SLC4A10: variants seen among roughly 807,000 people sequenced by gnomAD.
The protein encoded by SLC4A10 is solute carrier family 4 member 10.
In SLC4A10, 42 loss-of-function variants were observed where a neutral mutation model predicts 137.7. The ratio of observed to expected loss-of-function variants is 0.30; its 90% confidence interval spans 0.24 to 0.39. The LOEUF is 0.39. Among genes scored for constraint, SLC4A10 ranks in the 10% least tolerant of loss-of-function variants. The pLI is 1.00. For synonymous variants in SLC4A10, 474 were observed against 464.1 expected, an observed-to-expected ratio of 1.02 and a Z score of -0.27; for missense variants, 925 against 1,355.0, an observed-to-expected ratio of 0.68 and a Z score of 4.98.
chr2:161,838,097 C>T (rs1446065602), intron 3 of SLC4A10, among the ~76,000 whole-genome samples: 1 of 152,092 alleles, frequency 6.6e-6, no homozygotes, highest in Non-Finnish European at 1.5e-5. Context: ...CCTGGACTGA[C>T]TGAAATATAG....
At position 161,640,129 on chromosome 2, in the gene SLC4A10, A is replaced by T. The variant is rs187243019; in HGVS notation, c.48+15563A>T. 5.3e-5 allele frequency among the ~76,000 whole-genome samples: 8 copies of T among 152,254 alleles called. No individual in the cohort carries two copies. The East Asian group carries it at 1.5e-3, about 29-fold the overall frequency. The stretch of plus-strand genomic sequence containing the variant: ...TTTTATTCAATTATTTATTTATTTC[A>T]GTAAGGACTCAAAGGTATTTATTTT... On this transcript the variant is annotated intron_variant, in intron 1 of 26. Coordinates refer to ENST00000446997, the MANE Select transcript of SLC4A10 (RefSeq NM_001178015.2).
intron 9 of SLC4A10, among the ~76,000 whole-genome samples, chr2:161,880,008 A>G (rs1333576384): frequency 6.6e-6 from 1 of 152,186 alleles, no homozygotes; most frequent in African/African-American, 2.4e-5. Flanking sequence ...AAAAGATAAA[A>G]AAAAGAAAGG....
chr2:161,929,542 A>G (rs1271197704), intron 15 of SLC4A10, among the ~76,000 whole-genome samples: 1 of 152,206 alleles, frequency 6.6e-6, no homozygotes, highest in Non-Finnish European at 1.5e-5. Flanking sequence ...GGGACCCCTG[A>G]CCAATGAGTT....
intron 15 of SLC4A10, among the ~76,000 whole-genome samples, chr2:161,912,268 T>C (rs949361629): frequency 6.6e-6 from 1 of 152,144 alleles, no homozygotes; most frequent in African/African-American, 2.4e-5. Context: ...AGGCAGCTAT[T>C]TACATAAGAA....
intron 3 of SLC4A10, among the ~76,000 whole-genome samples, chr2:161,812,601 G>A (rs1207700187): frequency 6.6e-6 from 1 of 151,996 alleles, no homozygotes; most frequent in Non-Finnish European, 1.5e-5. Context: ...TCCCATTTAT[G>A]AGTAACAACA....
At chr2:161,818,707 A>G (rs1249724933) in intron 3 of SLC4A10, among the ~76,000 whole-genome samples, 4 of 152,208 alleles carry the variant, frequency 2.6e-5, no homozygotes, top group Non-Finnish European at 5.9e-5. Flanking sequence ...AATTTTGTCA[A>G]AGGCCTTTTC....
At chr2:161,818,119 A>C (rs2057280220) in intron 3 of SLC4A10, among the ~76,000 whole-genome samples, 1 of 152,122 alleles carries the variant, frequency 6.6e-6, no homozygotes, top group African/African-American at 2.4e-5. Context: ...TGAGCATGGA[A>C]TGTTCTTCCA....
chr2:161,905,043 G>T (rs777464218), intron 14 of SLC4A10, 134 bp downstream of exon 14: 7 of 853,684 alleles, frequency 8.2e-6, no homozygotes, highest in Non-Finnish European at 1.2e-5. Context: ...TATCATTTTT[G>T]CTTCATCATG....
chr2:161,927,829 C>T (rs1266521814), intron 15 of SLC4A10, among the ~76,000 whole-genome samples: 3 of 152,174 alleles, frequency 2.0e-5, no homozygotes, highest in Non-Finnish European at 2.9e-5. Flanking sequence ...GAGATACCAT[C>T]TCACACCACT....
intron 1 of SLC4A10, among the ~76,000 whole-genome samples, chr2:161,655,887 C>T (rs868388539): frequency 7.3e-6 from 1 of 136,850 alleles, no homozygotes; most frequent in African/African-American, 2.7e-5. Flanking sequence ...GATCTCGGGG[C>T]AGTGCAATCT....
chr2:161,774,510 C>A (rs1447973319), intron 2 of SLC4A10, among the ~76,000 whole-genome samples: 1 of 151,790 alleles, frequency 6.6e-6, no homozygotes, highest in East Asian at 1.9e-4. Flanking sequence ...GTGTTGCCTG[C>A]TTGATGGCTT....
chr2:161,895,716 A>G (rs202215720), intron 11 of SLC4A10, among the ~76,000 whole-genome samples: 2,281 of 152,022 alleles, frequency 0.015, 54 homozygotes, highest in African/African-American at 0.052. Context: ...GTCTTCTTTT[A>G]AGAAGTGTCT....
chr2:161,780,795 G>A (rs2052917144), intron 2 of SLC4A10, among the ~76,000 whole-genome samples: 1 of 151,852 alleles, frequency 6.6e-6, no homozygotes, highest in Non-Finnish European at 1.5e-5. Flanking sequence ...CTTGAGCCTG[G>A]ATAAAAATAT....
intron 2 of SLC4A10, among the ~76,000 whole-genome samples, chr2:161,782,692 T>C (rs1288212825): frequency 6.8e-6 from 1 of 147,904 alleles, no homozygotes; most frequent in Non-Finnish European, 1.5e-5. Context: ...AAGAATAAAA[T>C]AATTAAATTG....
At chr2:161,869,323 A>T (rs2060964440) in intron 6 of SLC4A10, among the ~76,000 whole-genome samples, 2 of 151,642 alleles carry the variant, frequency 1.3e-5, no homozygotes, top group Non-Finnish European at 1.5e-5. Context: ...CAGTTAATGA[A>T]ATTAATTTTG....
intron 1 of SLC4A10, among the ~76,000 whole-genome samples, chr2:161,629,331 T>C (rs919402149): frequency 1.3e-5 from 2 of 151,902 alleles, no homozygotes; most frequent in Non-Finnish European, 2.9e-5. Context: ...ACTACTTTTT[T>C]TTTTTTTTAG....
intron 1 of SLC4A10, among the ~76,000 whole-genome samples, chr2:161,732,340 C>T (rs1213394890): frequency 6.6e-6 from 1 of 152,180 alleles, no homozygotes; most frequent in East Asian, 1.9e-4. Context: ...CATTAGTTAG[C>T]TCATTAGCAT....
chr2:161,698,792 G>C (rs1287355651), intron 1 of SLC4A10, among the ~76,000 whole-genome samples: 1 of 152,100 alleles, frequency 6.6e-6, no homozygotes, highest in Non-Finnish European at 1.5e-5. Context: ...TCTCTGCCAG[G>C]GTTTGATATC....
chr2:161,806,632 G>A (rs868174842), intron 3 of SLC4A10, among the ~76,000 whole-genome samples: 2 of 152,202 alleles, frequency 1.3e-5, no homozygotes, highest in Middle Eastern at 6.8e-3. Flanking sequence ...CATAACAAGA[G>A]TCACCTTTGC....
Sources: gnomAD v4.1 joint callset for allele counts (sites outside exome capture counted in the v4.1 genomes callset) on GRCh38, gnomAD v4.1.1 for gene constraint, MANE v1.5 for transcripts, NCBI Gene and HGNC (gene_info 2026-07-23, HGNC 2026-07-21) for gene names.